The following PTPRD variants were observed in gnomAD, a reference collection of about 807,000 sequenced individuals.
PTPRD encodes the protein protein tyrosine phosphatase receptor type D.
PTPRD carries 34 observed loss-of-function variants against 214.5 expected under a neutral mutation model. The observed-to-expected ratio is 0.16, with a 90% confidence interval of 0.12 to 0.21. The LOEUF (loss-of-function observed/expected upper bound fraction) is 0.21. Among genes scored for constraint, PTPRD ranks in the 10% least tolerant of loss-of-function variants. The pLI, the probability that PTPRD is intolerant of heterozygous loss-of-function variation, is 1.00. For missense variants in PTPRD, 2,545 were observed against 2,398.7 expected (o/e 1.06, Z -1.27); for synonymous variants, 1,128 against 845.7 (o/e 1.33, Z -5.79).
At chr9:9,217,139 T>A (rs72696849) in intron 9 of PTPRD, among the ~76,000 whole-genome samples, 21,075 of 152,074 alleles carry the variant, frequency 0.14, 1,524 homozygotes, top group Non-Finnish European at 0.15. Flanking sequence ...TGGGAGGCTG[T>A]AGGGCTGGCA....
intron 3 of PTPRD, among the ~76,000 whole-genome samples, chr9:10,178,260 T>A (rs1259606443): frequency 6.6e-6 from 1 of 151,896 alleles, no homozygotes; most frequent in Admixed American, 6.6e-5. Context: ...CATACTCACT[T>A]AGAGGTATAA....
chr9:9,811,371 A>T (rs1191152292), intron 5 of PTPRD, among the ~76,000 whole-genome samples: 1 of 152,182 alleles, frequency 6.6e-6, no homozygotes, highest in South Asian at 2.1e-4. Context: ...CCAAAATCTC[A>T]TGATGAAACT....
intron 2 of PTPRD, among the ~76,000 whole-genome samples, chr9:10,355,517 T>C (rs2097260625): frequency 6.6e-6 from 1 of 151,446 alleles, no homozygotes; most frequent in Non-Finnish European, 1.5e-5. Context: ...TCACTCTTAT[T>C]GCCTAGACTG....
intron 3 of PTPRD, among the ~76,000 whole-genome samples, chr9:10,205,699 C>T (rs1372775245): frequency 6.6e-6 from 1 of 152,240 alleles, no homozygotes; most frequent in South Asian, 2.1e-4. Flanking sequence ...GCCACCATGC[C>T]CGGCCTGCTT....
At chr9:9,181,702 T>C (rs953993744) in intron 10 of PTPRD, among the ~76,000 whole-genome samples, 4 of 151,990 alleles carry the variant, frequency 2.6e-5, no homozygotes, top group Non-Finnish European at 5.9e-5. Context: ...TCCAGGCAAA[T>C]GTAAGTCTAG....
intron 3 of PTPRD, among the ~76,000 whole-genome samples, chr9:10,127,216 T>C (rs749360188): frequency 1.4e-4 from 22 of 152,132 alleles, no homozygotes; most frequent in Non-Finnish European, 2.9e-4. Flanking sequence ...GTGGGACCAC[T>C]GACACAAACG....
At chr9:8,601,077 G>C (rs1043286882) in intron 14 of PTPRD, among the ~76,000 whole-genome samples, 2 of 152,098 alleles carry the variant, frequency 1.3e-5, no homozygotes, top group Non-Finnish European at 2.9e-5. Flanking sequence ...AGAGCTTTTA[G>C]GCCTTAAGTG....
rs527575829 is a variant in PTPRD, at chr9:10,346,511, T to C, written c.-599-5494A>G. On this transcript the variant is annotated intron_variant, in intron 2 of 45. Transcript: ENST00000381196. ...ATATCAAAAAACTATTCATGTGCTA[T>C]AGTTTCATAAGATTATGTTTTATTC... Among the ~76,000 whole-genome samples the C allele has an allele frequency of 1.6e-4, 24 of 152,348 alleles. No homozygotes were observed. The East Asian group carries it at 4.2e-3, about 27-fold the overall frequency.
At chr9:10,316,149 GTATATA>G (rs1314820658) in intron 3 of PTPRD, among the ~76,000 whole-genome samples, 6 of 137,550 alleles carry the variant, frequency 4.4e-5, no homozygotes, top group Admixed American at 3.8e-4. Flanking sequence ...ACATACATAT[GTATATA>G]TGTATATCTA....
At chr9:9,403,467 A>G (rs1001716320) in intron 8 of PTPRD, among the ~76,000 whole-genome samples, 10 of 149,346 alleles carry the variant, frequency 6.7e-5, no homozygotes, top group Non-Finnish European at 1.2e-4. Flanking sequence ...AGTAAGATGC[A>G]CTCCTTAGAT....
intron 10 of PTPRD, among the ~76,000 whole-genome samples, chr9:9,137,955 T>C (rs1014671741): frequency 3.4e-4 from 51 of 152,158 alleles, no homozygotes; most frequent in African/African-American, 1.2e-3. Context: ...GCATCAGGTA[T>C]TATTACCTCA....
intron 9 of PTPRD, among the ~76,000 whole-genome samples, chr9:9,192,626 A>C (rs952451578): frequency 6.6e-6 from 1 of 152,128 alleles, no homozygotes; most frequent in Admixed American, 6.6e-5. Flanking sequence ...AAACAAATAG[A>C]GAGTCCATTA....
intron 4 of PTPRD, among the ~76,000 whole-genome samples, chr9:10,022,467 G>C (rs1369370102): frequency 2.0e-5 from 3 of 151,516 alleles, no homozygotes; most frequent in Non-Finnish European, 4.4e-5. Context: ...TTCATATTCA[G>C]GTGCTACCCC....
At chr9:8,441,583 G>T (rs2095547711) in intron 34 of PTPRD, among the ~76,000 whole-genome samples, 2 of 151,886 alleles carry the variant, frequency 1.3e-5, no homozygotes, top group Non-Finnish European at 2.9e-5. Context: ...TAATCTGTGT[G>T]TATGTGAATT....
At chr9:10,572,896 T>C (rs768170607) in intron 2 of PTPRD, among the ~76,000 whole-genome samples, 3 of 152,148 alleles carry the variant, frequency 2.0e-5, no homozygotes, top group Non-Finnish European at 4.4e-5. Context: ...TTTAAACTTT[T>C]AAGTTTTTTT....
intron 34 of PTPRD, among the ~76,000 whole-genome samples, chr9:8,440,807 T>G (rs1331508908): frequency 6.6e-6 from 1 of 152,166 alleles, no homozygotes; most frequent in Non-Finnish European, 1.5e-5. Flanking sequence ...GTGACTTCCT[T>G]ATAAGAAGTA....
At chr9:8,588,839 G>A (rs1243246384) in intron 14 of PTPRD, among the ~76,000 whole-genome samples, 1 of 151,942 alleles carries the variant, frequency 6.6e-6, no homozygotes, top group South Asian at 2.1e-4. Flanking sequence ...AAATCTTTAG[G>A]CAACTTCCCT....
At chr9:10,457,386 G>C (rs76628221) in intron 2 of PTPRD, among the ~76,000 whole-genome samples, 1,824 of 151,968 alleles carry the variant, frequency 0.012, 33 homozygotes, top group African/African-American at 0.04. Context: ...TCCTGCTCAT[G>C]ACTTTATATT....
intron 35 of PTPRD, among the ~76,000 whole-genome samples, chr9:8,432,472 A>G (rs909785962): frequency 1.3e-5 from 2 of 152,204 alleles, no homozygotes; most frequent in African/African-American, 4.8e-5. Flanking sequence ...CAGTGCAAAC[A>G]GCTTTCACGC....
Sources: allele counts gnomAD v4.1 joint callset (sites outside exome capture counted in the v4.1 genomes callset), GRCh38; gene constraint gnomAD v4.1.1; transcripts MANE v1.5; gene names NCBI Gene and HGNC (gene_info 2026-07-23, HGNC 2026-07-21).